Variants in CYP4X1 observed in about 807,000 individuals in gnomAD.
CYP4X1 encodes cytochrome P450 family 4 subfamily X member 1, also known as cytochrome P450 4X1.
Under a neutral mutation model 57.9 loss-of-function variants are expected in CYP4X1, and 44 were observed. The ratio of observed to expected loss-of-function variants is 0.76; its 90% CI spans 0.60 to 0.98. The LOEUF (loss-of-function observed/expected upper bound fraction) is 0.98, where lower values mean the gene tolerates loss of function less well. Among genes scored for constraint, CYP4X1 ranks in the 50% least tolerant of loss-of-function variants. The probability of loss-of-function intolerance (pLI) is 0.00; values close to 1 mark genes in which losing one functional copy is unlikely to be tolerated. For synonymous variants in CYP4X1, 227 were observed against 228.6 expected (o/e 0.99, Z 0.06); for missense variants, 532 against 623.9 (o/e 0.85, Z 1.57).
At chr1:47,023,584 G>A (rs1468341268), upstream of CYP4X1, 1 of 1,304,688 alleles carries the variant, frequency 7.7e-7, no homozygotes. Context: ...CAGTTGGGCC[G>A]AACGAAGCGT....
the CYP4X1 span, among the ~76,000 whole-genome samples, chr1:46,965,504 G>A: frequency 6.6e-6 from 1 of 152,204 alleles, no homozygotes; most frequent in African/African-American, 2.4e-5. Flanking sequence ...GCAGTGCACT[G>A]CAGACCTTTG....
In CYP4X1 at chr1:47,050,028, A is replaced by G; in HGVS notation, c.1384A>G (p.Ile462Val). The G allele has an allele frequency of 6.2e-7, 1 of 1,613,908 alleles. No individual in the cohort carries two copies. Among genetic ancestry groups the G allele is most frequent in the Non-Finnish European group, 8.5e-7 (1 of 1,179,976 alleles). ...RNCIGQEFAM[I>V]ELKVTIALIL... ...CTGCATTGGGCAGGAGTTTGCCATG[A>G]TTGAGTTAAAGGTAACCATTGCCTT... Residue 462 changes from isoleucine (I) to valine (V), a missense_variant, in exon 12 of 12, where the codon ATT (isoleucine) becomes GTT (valine). Physicochemically the swap from Ile to Val is conservative, Grantham distance 29 (BLOSUM62 3). Transcript: ENST00000371901.
At chr1:47,007,059 T>A in the CYP4X1 span, among the ~76,000 whole-genome samples, 1 of 152,224 alleles carries the variant, frequency 6.6e-6, no homozygotes, top group Admixed American at 6.5e-5. Flanking sequence ...TGTCCCTGTC[T>A]GACAGCTTTG....
chr1:47,030,280 C>A, intron 2 of CYP4X1, 149 bp downstream of exon 2: 1 of 965,610 alleles, frequency 1.0e-6, no homozygotes, highest in Non-Finnish European at 1.5e-6. Context: ...CCTACCAATA[C>A]TGAAGGGGAT....
chr1:47,013,972 G>A, the CYP4X1 span, among the ~76,000 whole-genome samples: 1 of 151,620 alleles, frequency 6.6e-6, no homozygotes, highest in African/African-American at 2.4e-5. Flanking sequence ...ATAGTGTTTC[G>A]CCAAGTTGGC....
intron 1 of CYP4X1, among the ~76,000 whole-genome samples, chr1:47,028,253 G>A (rs1644090869): frequency 6.6e-6 from 1 of 152,096 alleles, no homozygotes; most frequent in Non-Finnish European, 1.5e-5. Context: ...AAAGCACTTG[G>A]GCTCCAGAGT....
chr1:46,967,670 G>T, the CYP4X1 span: 2 of 548,876 alleles, frequency 3.6e-6, no homozygotes, highest in East Asian at 7.5e-5. Context: ...GCAGGTGGAG[G>T]CCCTCAGAGC....
In CYP4X1 at chr1:47,035,947, G is replaced by C. The variant is rs1199954018; in HGVS notation, c.620+14G>C. On this transcript the variant is annotated intron_variant, in intron 5 of 11. Transcript: ENST00000371901. ...CCAGACAAACAGGTCAGTGGTGGGA[G>C]AGCAAAAAAGATATTTCTTCACATT... 1 of 1,611,034 alleles carries C rather than the reference G, an allele frequency of 6.2e-7. No individual in the cohort carries two copies. The highest frequency in any genetic ancestry group is 8.5e-7 in the Non-Finnish European group (1 of 1,178,854).
chr1:47,051,605 A>G (rs1644360716), downstream of CYP4X1, among the ~76,000 whole-genome samples: 1 of 152,148 alleles, frequency 6.6e-6, no homozygotes, highest in Admixed American at 6.5e-5. Flanking sequence ...CATCACTTAT[A>G]ACATGATGAT....
At chr1:46,970,481 C>T in the CYP4X1 span, among the ~76,000 whole-genome samples, 3 of 152,206 alleles carry the variant, frequency 2.0e-5, no homozygotes, top group Non-Finnish European at 4.4e-5. Flanking sequence ...CTTCCCTACT[C>T]CCATTACCAT....
chr1:47,048,501 A>AGATT, intron 9 of CYP4X1, 64 bp from the exon 10 acceptor site: 1 of 1,564,038 alleles, frequency 6.4e-7, no homozygotes, highest in Non-Finnish European at 8.8e-7. Flanking sequence ...GTCTTGTTTA[A>AGATT]GAGCACAGTA....
the CYP4X1 span, among the ~76,000 whole-genome samples, chr1:46,995,698 T>C: frequency 6.6e-6 from 1 of 152,192 alleles, no homozygotes; most frequent in Non-Finnish European, 1.5e-5. Context: ...CTTACTCCCA[T>C]CACTTTCCCC....
At chr1:47,042,569 T>C (rs1294753985) in intron 8 of CYP4X1, among the ~76,000 whole-genome samples, 1 of 152,134 alleles carries the variant, frequency 6.6e-6, no homozygotes, top group Non-Finnish European at 1.5e-5. Flanking sequence ...CTAAGCAGTA[T>C]ACACTGTACC....
At chr1:47,026,413 C>G (rs1424188219) in intron 1 of CYP4X1, among the ~76,000 whole-genome samples, 2 of 152,100 alleles carry the variant, frequency 1.3e-5, no homozygotes, top group African/African-American at 4.8e-5. Flanking sequence ...TATAGCTATC[C>G]TTATGCTAGT....
chr1:47,041,076 T>TA (rs1644241845), intron 8 of CYP4X1, among the ~76,000 whole-genome samples: 1 of 152,192 alleles, frequency 6.6e-6, no homozygotes, highest in Non-Finnish European at 1.5e-5. Flanking sequence ...TCACTTAGCA[T>TA]AATGTCATCC....
the CYP4X1 span, among the ~76,000 whole-genome samples, chr1:46,968,853 C>G: frequency 6.6e-6 from 1 of 152,206 alleles, no homozygotes; most frequent in African/African-American, 2.4e-5. Flanking sequence ...ACTTTACCCT[C>G]AGACACAGGC....
chr1:46,982,877 C>T, the CYP4X1 span, among the ~76,000 whole-genome samples: 1 of 152,198 alleles, frequency 6.6e-6, no homozygotes, highest in Non-Finnish European at 1.5e-5. Flanking sequence ...TTTTTGTTAC[C>T]TCCCCATCTT....
upstream of CYP4X1, among the ~76,000 whole-genome samples, chr1:47,023,156 T>A (rs2148502354): frequency 6.6e-6 from 1 of 152,340 alleles, no homozygotes; most frequent in Admixed American, 6.5e-5. Flanking sequence ...GCACTGAGAT[T>A]CATAAATTAT....
chr1:47,053,931 C>T (rs1569672028), downstream of CYP4X1, among the ~76,000 whole-genome samples: 1 of 152,242 alleles, frequency 6.6e-6, no homozygotes, highest in East Asian at 1.9e-4. Context: ...AATTAGATCC[C>T]ATTTGTCAAT....
Sources: allele counts gnomAD v4.1 joint callset (sites outside exome capture counted in the v4.1 genomes callset), GRCh38; gene constraint gnomAD v4.1.1; transcripts MANE v1.5; gene names NCBI Gene and HGNC (gene_info 2026-07-23, HGNC 2026-07-21).